The following SMARCA5 variants were observed in gnomAD, a reference collection of about 807,000 sequenced individuals.
SMARCA5 encodes SNF2 related chromatin remodeling ATPase 5.
SMARCA5 carries 18 observed loss-of-function variants against 140.4 expected under a neutral mutation model. That is an observed-to-expected ratio of 0.13 (90% CI 0.09 to 0.19). SMARCA5 has a LOEUF of 0.19. Ranked by LOEUF, SMARCA5 falls within the 10% of genes least tolerant of loss-of-function variation. The probability of loss-of-function intolerance (pLI) is 1.00; values close to 1 mark genes in which losing one functional copy is unlikely to be tolerated. For missense variants in SMARCA5, 606 were observed against 1,276.8 expected (o/e 0.47, Z 8.01); for synonymous variants, 449 against 419.6 (o/e 1.07, Z -0.86).
rs2149827200 is a variant in SMARCA5 at position 143,556,105 on chromosome 4, C to T, written c.*2921C>T. On this transcript the variant is annotated 3_prime_UTR_variant, in exon 24 of 24. Coordinates refer to ENST00000283131, the MANE Select transcript of SMARCA5 (RefSeq NM_003601.4). ...AATTTGAATGCTCATTAGGGCATTT[C>T]TGATTTTTGGATTAGGGATGCTGAA... The T allele has an allele frequency of 1.3e-5, 2 of 152,264 alleles. No individual in the cohort carries two copies. Among genetic ancestry groups the T allele is most frequent in the South Asian group, 4.1e-4 (2 of 4,822 alleles). 9.4% of individuals were successfully genotyped at this position (152,264 alleles called of 1,614,324 possible). A position where few individuals can be genotyped will look rare whatever the true frequency, so the allele number is the denominator to read the frequency against.
In SMARCA5 at chr4:143,535,719, G is replaced by A. The variant is rs116929367; in HGVS notation, c.1269-733G>A. Reference sequence around the variant, plus strand: ...CTTTATATCAGAATTGAGATGGAAAGGTCTGCCTTGTTGTTTAAGCATAGA... The same window carrying A: ...CTTTATATCAGAATTGAGATGGAAAAGTCTGCCTTGTTGTTTAAGCATAGA... On this transcript the variant is annotated intron_variant, in intron 10 of 23. Transcript: ENST00000283131. Among the ~76,000 whole-genome samples, 110 of 152,220 alleles carry A rather than the reference G, an allele frequency of 7.2e-4. 1 individual carries two copies. The East Asian group carries it at 0.018, about 25-fold the overall frequency.
At chr4:143,545,892 ACT>A in intron 18 of SMARCA5, 31 bp from the exon 19 acceptor site, 1 of 1,581,080 alleles carries the variant, frequency 6.3e-7, no homozygotes, top group Non-Finnish European at 8.6e-7. Context: ...TTTAAAATTT[ACT>A]GATTTGATGG....
At chr4:143,520,560 G>A (rs1316118302) in intron 2 of SMARCA5, among the ~76,000 whole-genome samples, 1 of 152,112 alleles carries the variant, frequency 6.6e-6, no homozygotes, top group African/African-American at 2.4e-5. Context: ...CAACATTATG[G>A]CATTTGGATA....
chr4:143,529,335 G>A (rs1560815476), intron 8 of SMARCA5, among the ~76,000 whole-genome samples: 1 of 152,140 alleles, frequency 6.6e-6, no homozygotes, highest in South Asian at 2.1e-4. Flanking sequence ...AGTGGCTCTA[G>A]GTTGACTGGT....
intron 9 of SMARCA5, among the ~76,000 whole-genome samples, chr4:143,532,432 A>G (rs1009715407): frequency 6.6e-6 from 1 of 152,180 alleles, no homozygotes; most frequent in African/African-American, 2.4e-5. Context: ...ATTCAGCAGT[A>G]TCAACCAGAT....
intron 4 of SMARCA5, among the ~76,000 whole-genome samples, chr4:143,525,232 G>A (rs987385210): frequency 1.3e-5 from 2 of 152,128 alleles, no homozygotes; most frequent in Non-Finnish European, 1.5e-5. Flanking sequence ...GTACTCTGAT[G>A]CCCGCAGTCA....
chr4:143,514,834 G>C (rs573625654), intron 1 of SMARCA5, among the ~76,000 whole-genome samples: 65 of 151,984 alleles, frequency 4.3e-4, no homozygotes, highest in Non-Finnish European at 7.5e-4. Flanking sequence ...TTGGCTCTCA[G>C]TCCGGCACTT....
chr4:143,529,518 T>C (rs933771126), intron 8 of SMARCA5, among the ~76,000 whole-genome samples: 5 of 152,204 alleles, frequency 3.3e-5, no homozygotes, highest in Non-Finnish European at 5.9e-5. Context: ...TTTATAGTCA[T>C]AGAAAGGATA....
At position 143,543,975 on chromosome 4, in the gene SMARCA5, A is replaced by G; in HGVS notation, c.2172+3A>G. 1 of 1,549,116 alleles carries G rather than the reference A, an allele frequency of 6.5e-7. No homozygotes were observed. The highest frequency in any genetic ancestry group is 2.3e-5 in the East Asian group (1 of 43,506). ...AAGACTATAGAGAAAAACAAAAGGT[A>G]ATTTAGAAATAGGTTTGGGTTACAT... On this transcript the variant is annotated splice_donor_region_variant and intron_variant, in intron 16 of 23. Transcript: ENST00000283131.
intron 7 of SMARCA5, 133 bp from the exon 8 acceptor site, chr4:143,528,450 T>C: frequency 3.0e-6 from 2 of 660,566 alleles, no homozygotes; most frequent in Non-Finnish European, 5.1e-6. Flanking sequence ...TACTATTCGC[T>C]GATGTATATG....
At chr4:143,546,308 C>T (rs1737524286) in intron 19 of SMARCA5, among the ~76,000 whole-genome samples, 3 of 152,052 alleles carry the variant, frequency 2.0e-5, no homozygotes, top group Non-Finnish European at 4.4e-5. Context: ...CCCGTCTTTC[C>T]TATGAATTTT....
intron 14 of SMARCA5, among the ~76,000 whole-genome samples, chr4:143,540,874 G>C (rs965259986): frequency 1.3e-5 from 2 of 152,110 alleles, no homozygotes; most frequent in African/African-American, 4.8e-5. Flanking sequence ...AACTACTCTT[G>C]ATTACTGTGG....
intron 20 of SMARCA5, 48 bp from the exon 21 acceptor site, chr4:143,547,337 A>T (rs761296867): frequency 2.0e-6 from 2 of 991,082 alleles, no homozygotes; most frequent in African/African-American, 1.7e-5. Context: ...TTTTACATTA[A>T]AGAAATAAAA....
intron 14 of SMARCA5, among the ~76,000 whole-genome samples, chr4:143,542,321 C>A (rs1021335982): frequency 6.6e-6 from 1 of 152,110 alleles, no homozygotes; most frequent in Non-Finnish European, 1.5e-5. Flanking sequence ...AAACAGCAAG[C>A]CTTAAGTGCA....
intron 1 of SMARCA5, chr4:143,514,708 G>GC (rs1377384060): frequency 6.6e-6 from 1 of 152,412 alleles, no homozygotes; most frequent in Non-Finnish European, 1.5e-5. Flanking sequence ...CCCCTCCCAG[G>GC]CACTATTCCA....
chr4:143,535,751 A>G (rs1157853807), intron 10 of SMARCA5, among the ~76,000 whole-genome samples: 4 of 152,164 alleles, frequency 2.6e-5, no homozygotes, highest in Non-Finnish European at 4.4e-5. Context: ...TAGATTGCCT[A>G]GGCTACTTAC....
At chr4:143,550,181 C>A in intron 23 of SMARCA5, 77 bp downstream of exon 23, 16 of 693,582 alleles carry the variant, frequency 2.3e-5, no homozygotes, top group East Asian at 7.1e-5. Context: ...GCTTGGCTGT[C>A]ATTGATGTGT....
chr4:143,527,869 C>T lies in SMARCA5; in HGVS notation c.803C>T (p.Ala268Val). 2 of 1,589,162 alleles carry T rather than the reference C, an allele frequency of 1.3e-6. No individual in the cohort carries two copies. Among genetic ancestry groups the T allele is most frequent in the Non-Finnish European group, 1.7e-6 (2 of 1,173,618 alleles). The change falls in exon 7 of 24, where the codon GCT (alanine) becomes GTT (valine). Residue 268 changes from alanine (A) to valine (V), a missense_variant and splice_region_variant. Physicochemically the swap from Ala to Val is moderately conservative, Grantham distance 64. Transcript: ENST00000283131. ...VCLIGDKEQRAAFVRDVLLPG... is the reference protein window; with the variant it reads ...VCLIGDKEQRVAFVRDVLLPG... ...TAATTTTTTTCTCTTGTTACACAGG[C>T]TGCTTTTGTCAGAGACGTTTTATTA...
intron 14 of SMARCA5, 36 bp from the exon 15 acceptor site, chr4:143,543,473 G>C (rs1380145978): frequency 1.6e-5 from 26 of 1,577,298 alleles, no homozygotes; most frequent in Non-Finnish European, 2.2e-5. Flanking sequence ...AATAAAGTCT[G>C]TTCAGTTAAC....
Sources: gnomAD v4.1 joint callset for allele counts (sites outside exome capture counted in the v4.1 genomes callset) on GRCh38, gnomAD v4.1.1 for gene constraint, MANE v1.5 for transcripts, NCBI Gene and HGNC (gene_info 2026-07-23, HGNC 2026-07-21) for gene names.